The following KIRREL3 variants were observed in gnomAD, a reference collection of about 807,000 sequenced individuals.
The protein encoded by KIRREL3 is kin of IRRE-like protein 3.
In KIRREL3, 36 loss-of-function variants were observed where a neutral mutation model predicts 89.7. The observed-to-expected ratio is 0.40, with a 90% CI of 0.31 to 0.53. KIRREL3 has a LOEUF of 0.53. Among genes scored for constraint, KIRREL3 ranks in the 20% least tolerant of loss-of-function variants. The pLI is 0.49. For missense variants in KIRREL3, 864 were observed against 1,056.6 expected (o/e 0.82, Z 2.53); for synonymous variants, 445 against 441.4 (o/e 1.01, Z -0.10).
intron 4 of KIRREL3, among the ~76,000 whole-genome samples, chr11:126,509,766 C>A (rs765714259): frequency 2.6e-5 from 4 of 152,066 alleles, no homozygotes; most frequent in Non-Finnish European, 5.9e-5. Context: ...GAGGCCAAGG[C>A]GGGGGAATCA....
At chr11:126,680,689 T>C (rs563842452) in intron 1 of KIRREL3, among the ~76,000 whole-genome samples, 11 of 148,024 alleles carry the variant, frequency 7.4e-5, no homozygotes, top group Admixed American at 3.4e-4. Flanking sequence ...GGAAGAAAAA[T>C]ATGCAGAATG....
intron 1 of KIRREL3, among the ~76,000 whole-genome samples, chr11:126,732,857 GAGAT>G (rs1948676632): frequency 6.6e-6 from 1 of 152,230 alleles, no homozygotes; most frequent in Non-Finnish European, 1.5e-5. Context: ...CCAAGCAAAG[GAGAT>G]AGCAAGAGGC....
chr11:126,580,836 G>GTT (rs58691243), intron 1 of KIRREL3, among the ~76,000 whole-genome samples: 1,548 of 140,784 alleles, frequency 0.011, 23 homozygotes, highest in African/African-American at 0.033. Flanking sequence ...GGAATTTCCT[G>GTT]TTTTTTTTTT....
intron 4 of KIRREL3, among the ~76,000 whole-genome samples, chr11:126,493,406 A>T (rs1046700682): frequency 1.6e-4 from 24 of 152,162 alleles, no homozygotes; most frequent in Admixed American, 7.9e-4. Context: ...CTGTAATCCT[A>T]GCACTTTGGG....
At chr11:126,818,201 G>A (rs764168038) in intron 1 of KIRREL3, among the ~76,000 whole-genome samples, 3 of 152,196 alleles carry the variant, frequency 2.0e-5, no homozygotes, top group Non-Finnish European at 4.4e-5. Flanking sequence ...CGTGCCAGAC[G>A]AAGTGTTTTC....
chr11:126,702,040 G>A (rs1947332779), intron 1 of KIRREL3, among the ~76,000 whole-genome samples: 1 of 152,170 alleles, frequency 6.6e-6, no homozygotes, highest in South Asian at 2.1e-4. Flanking sequence ...TATGAGTAAA[G>A]CAGAATGGCT....
rs1233344424 is a variant in KIRREL3 at position 126,428,122 on chromosome 11, A to G, written c.1806+1057T>C. Among the ~76,000 whole-genome samples, 1 of 152,130 alleles carries G rather than the reference A, an allele frequency of 6.6e-6. No individual in the cohort carries two copies. Among genetic ancestry groups the G allele is most frequent in the Non-Finnish European group, 1.5e-5 (1 of 68,030 alleles). On this transcript the variant is annotated intron_variant, in intron 15 of 16. Coordinates refer to ENST00000525144, the MANE Select transcript of KIRREL3 (RefSeq NM_032531.4). The surrounding 1 kb of genome is among the most constrained non-coding windows in gnomAD (Gnocchi z 6.4). ...AACCGCTAATATTTCTTGAGCACTT[A>G]TTGTGTTCCATGGGCTTCAAGCCCT... is the stretch of plus-strand genomic sequence containing the variant.
Position 126,802,865 on chromosome 11 carries a change from A to G in KIRREL3, c.55+197590T>C, listed in dbSNP as rs10893572. On this transcript the variant is annotated intron_variant, in intron 1 of 16. Coordinates refer to ENST00000525144, the MANE Select transcript of KIRREL3 (RefSeq NM_032531.4). This position sits in a 1 kb window ranked among gnomAD's most constrained non-coding sequence, Gnocchi z 5.2. ...AGGAACTTAACTCTTGTTTATATCA[A>G]TTAGCCTGTGGGAAAATTGGCTTTG... Among the ~76,000 whole-genome samples, 2,446 of 152,244 alleles carry G rather than the reference A, an allele frequency of 0.016. 27 individuals carry two copies. The highest frequency in any genetic ancestry group is 0.026 in the Non-Finnish European group (1,749 of 68,016).
rs1414204478 is a variant in KIRREL3, at chr11:126,565,435, T to A, written c.56-2523A>T. Among the ~76,000 whole-genome samples, 1 of 152,198 alleles carries A rather than the reference T, an allele frequency of 6.6e-6. No individual in the cohort carries two copies. Among genetic ancestry groups the A allele is most frequent in the African/African-American group, 2.4e-5 (1 of 41,448 alleles). The stretch of plus-strand genomic sequence containing the variant: ...CCTGATTAATAAAAGAAATTGAGAA[T>A]GAGGCAATTTCTCAATGTATTTGGC... On this transcript the variant is annotated intron_variant, in intron 1 of 16. Transcript: ENST00000525144. This position sits in a 1 kb window ranked among gnomAD's most constrained non-coding sequence, Gnocchi z 5.4.
rs1948876223 is a variant in KIRREL3, at chr11:126,954,797, T to C, written c.55+45658A>G. ...ACCCTTGAACAACTTTATCAGAAAG[T>C]TTTTTCTCATAGAAGGCAGAAATTT... On this transcript the variant is annotated intron_variant, in intron 1 of 16. Transcript: ENST00000525144. The surrounding 1 kb of genome is among the most constrained non-coding windows in gnomAD (Gnocchi z 4.1). Among the ~76,000 whole-genome samples, 1 of 152,088 alleles carries C rather than the reference T, an allele frequency of 6.6e-6. No homozygotes were observed. Among genetic ancestry groups the C allele is most frequent in the Non-Finnish European group, 1.5e-5 (1 of 68,038 alleles).
In KIRREL3 at chr11:126,647,503, T is replaced by G. The variant is rs1944736055; in HGVS notation, c.56-84591A>C. ...TTTATGCATACGTTTACTCCTTTCA[T>G]TCAGCAAACGTTTATCAGGCACCTT... On this transcript the variant is annotated intron_variant, in intron 1 of 16. Coordinates refer to ENST00000525144, the MANE Select transcript of KIRREL3 (RefSeq NM_032531.4). The surrounding 1 kb of genome is among the most constrained non-coding windows in gnomAD (Gnocchi z 4.9). Among the ~76,000 whole-genome samples the G allele has an allele frequency of 6.6e-6, 1 of 152,236 alleles. No individual in the cohort carries two copies. The highest frequency in any genetic ancestry group is 2.4e-5 in the African/African-American group (1 of 41,460).
At chr11:126,827,509 T>A (rs10790843) in intron 1 of KIRREL3, among the ~76,000 whole-genome samples, 131,385 of 152,158 alleles carry the variant, frequency 0.86, 57,070 homozygotes, top group East Asian at 1. Flanking sequence ...TTGGGGGGCA[T>A]TTTAGATTAC....
At chr11:126,718,432 A>G (rs570926644) in intron 1 of KIRREL3, among the ~76,000 whole-genome samples, 1 of 152,228 alleles carries the variant, frequency 6.6e-6, no homozygotes, top group South Asian at 2.1e-4. Context: ...ACACTAAGCT[A>G]TTGAGACAAA....
intron 1 of KIRREL3, among the ~76,000 whole-genome samples, chr11:126,777,065 T>A (rs1304577749): frequency 1.3e-5 from 2 of 152,182 alleles, no homozygotes; most frequent in African/African-American, 4.8e-5. Context: ...GCATAACCAG[T>A]AGGACTGTAG....
chr11:126,956,163 A>ATTCG, intron 1 of KIRREL3, among the ~76,000 whole-genome samples: 1 of 152,178 alleles, frequency 6.6e-6, no homozygotes, highest in East Asian at 1.9e-4. Flanking sequence ...TCATTCATTC[A>ATTCG]TTCGTTCACT....
At chr11:126,862,783 A>G (rs969024295) in intron 1 of KIRREL3, among the ~76,000 whole-genome samples, 5 of 152,248 alleles carry the variant, frequency 3.3e-5, no homozygotes, top group Non-Finnish European at 5.9e-5. Context: ...GCTGAGAGAC[A>G]GAACAGCCAC....
At chr11:126,923,859 ATC>A (rs1339605108) in intron 1 of KIRREL3, among the ~76,000 whole-genome samples, 1 of 152,184 alleles carries the variant, frequency 6.6e-6, no homozygotes, top group Admixed American at 6.5e-5. Flanking sequence ...TTTACTGGAC[ATC>A]TCTACTTAGA....
intron 1 of KIRREL3, among the ~76,000 whole-genome samples, chr11:126,751,711 G>A (rs144864635): frequency 2.8e-4 from 43 of 152,168 alleles, no homozygotes; most frequent in African/African-American, 1.0e-3. Flanking sequence ...AGATCCTGGT[G>A]TCTATCTGAA....
Position 126,748,309 on chromosome 11 carries a change from A to C in KIRREL3, c.56-185397T>G, listed in dbSNP as rs1209396454. On this transcript the variant is annotated intron_variant, in intron 1 of 16. Coordinates refer to ENST00000525144, the MANE Select transcript of KIRREL3 (RefSeq NM_032531.4). The surrounding 1 kb of genome is among the most constrained non-coding windows in gnomAD (Gnocchi z 4.6). ...GGCAGAAGACAGTGTAAGCCCCAGG[A>C]AACTGTGACAGCAATAAAAGAACTA... Among the ~76,000 whole-genome samples the C allele has an allele frequency of 6.6e-6, 1 of 152,208 alleles. No individual in the cohort carries two copies. The highest frequency in any genetic ancestry group is 1.5e-5 in the Non-Finnish European group (1 of 68,034).
Sources: gnomAD v4.1 joint callset for allele counts (sites outside exome capture counted in the v4.1 genomes callset) on GRCh38, gnomAD v4.1.1 for gene constraint, Gnocchi (gnomAD v3.1) non-coding constraint, MANE v1.5 for transcripts, NCBI Gene and HGNC (gene_info 2026-07-23, HGNC 2026-07-21) for gene names.